The following SYNPR variants were observed in gnomAD, a reference collection of about 807,000 sequenced individuals.
The protein encoded by SYNPR is synaptoporin.
A neutral mutation model predicts 32.9 loss-of-function variants in SYNPR; 23 were observed. The observed-to-expected ratio is 0.70, with a 90% CI of 0.50 to 0.99. The LOEUF (loss-of-function observed/expected upper bound fraction) is 0.99, where lower values mean the gene tolerates loss of function less well. SYNPR is among the 50% of genes least tolerant of loss of function. The pLI is 0.00. For synonymous variants in SYNPR, 146 were observed against 135.9 expected, an observed-to-expected ratio of 1.07 and a Z score of -0.52; for missense variants, 318 against 349.3, an observed-to-expected ratio of 0.91 and a Z score of 0.71.
intron 2 of SYNPR, among the ~76,000 whole-genome samples, chr3:63,470,006 T>C (rs1294811911): frequency 6.6e-6 from 1 of 152,202 alleles, no homozygotes; most frequent in East Asian, 1.9e-4. Context: ...ACATTTATGA[T>C]TTTAAGAAAA....
chr3:63,533,857 G>A (rs1702154274), intron 3 of SYNPR, among the ~76,000 whole-genome samples: 1 of 152,236 alleles, frequency 6.6e-6, no homozygotes, highest in Middle Eastern at 3.4e-3. Flanking sequence ...CTCTCCAAGA[G>A]ATGTGATTTC....
intron 2 of SYNPR, among the ~76,000 whole-genome samples, chr3:63,464,278 T>A (rs59460117): frequency 2.0e-5 from 3 of 152,098 alleles, no homozygotes; most frequent in Non-Finnish European, 2.9e-5. Context: ...CTGGCCCTCA[T>A]TGAAGAATTT....
intron 2 of SYNPR, among the ~76,000 whole-genome samples, chr3:63,352,245 T>C (rs13093115): frequency 0.19 from 28,636 of 152,076 alleles, 3,005 homozygotes; most frequent in South Asian, 0.26. Context: ...TTTTTTTTCC[T>C]GTACAATTTT....
At chr3:63,406,224 C>T (rs1440810497) in intron 2 of SYNPR, among the ~76,000 whole-genome samples, 1 of 150,570 alleles carries the variant, frequency 6.6e-6, no homozygotes, top group Admixed American at 6.6e-5. Context: ...AAAAAGCCAC[C>T]TATGCCCTGT....
At chr3:63,206,674 A>T in the SYNPR span, among the ~76,000 whole-genome samples, 1 of 152,218 alleles carries the variant, frequency 6.6e-6, no homozygotes, top group African/African-American at 2.4e-5. Flanking sequence ...TGACATAGAG[A>T]TGTATTCAAA....
chr3:63,229,645 A>G (rs759866886), intron 1 of SYNPR, among the ~76,000 whole-genome samples: 1 of 152,212 alleles, frequency 6.6e-6, no homozygotes, highest in Non-Finnish European at 1.5e-5. Flanking sequence ...TGATTCTGCC[A>G]TACTGAAGTT....
chr3:63,305,613 C>T (rs62253861), intron 2 of SYNPR, among the ~76,000 whole-genome samples: 43,241 of 151,796 alleles, frequency 0.28, 7,459 homozygotes, highest in Non-Finnish European at 0.39. Flanking sequence ...ATATACACTT[C>T]GGTCTCACCG....
the SYNPR span, among the ~76,000 whole-genome samples, chr3:63,201,586 CTACCTGCTTTA>C: frequency 6.6e-6 from 1 of 151,988 alleles, no homozygotes; most frequent in African/African-American, 2.4e-5. Context: ...AGATATCTTT[CTACCTGCTTTA>C]TATTTACAGA....
chr3:63,392,688 T>C (rs1211704131), intron 2 of SYNPR, among the ~76,000 whole-genome samples: 1 of 152,074 alleles, frequency 6.6e-6, no homozygotes, highest in Non-Finnish European at 1.5e-5. Flanking sequence ...GAAACTGTCA[T>C]TTTTTTTCCA....
intron 2 of SYNPR, among the ~76,000 whole-genome samples, chr3:63,265,471 C>T (rs2086478003): frequency 6.6e-6 from 1 of 151,902 alleles, no homozygotes; most frequent in African/African-American, 2.4e-5. Context: ...AGGCTGGTCT[C>T]GAATTCCTGA....
intron 2 of SYNPR, among the ~76,000 whole-genome samples, chr3:63,326,291 A>C (rs1349478): frequency 0.45 from 68,486 of 151,616 alleles, 15,597 homozygotes; most frequent in Middle Eastern, 0.52. Context: ...ATTGTGGAGG[A>C]TGAGCTCTTA....
Position 63,616,475 on chromosome 3 carries a change from A to AT in SYNPR, c.*999dup, listed in dbSNP as rs1248545905. ...CTGTAGAACCTCTACTACCAGCTAT[A>AT]TTTTTAAATCCTGTTTATTTGTAAA... On this transcript the variant is annotated 3_prime_UTR_variant, in exon 6 of 6. Coordinates refer to ENST00000478300, the MANE Select transcript of SYNPR (RefSeq NM_001130003.2). 1 of 152,634 alleles carries AT rather than the reference A, an allele frequency of 6.6e-6. No individual in the cohort carries two copies. Among genetic ancestry groups the AT allele is most frequent in the East Asian group, 1.9e-4 (1 of 5,198 alleles). 9.5% of individuals were successfully genotyped at this position (152,634 alleles called of 1,614,324 possible).
intron 4 of SYNPR, among the ~76,000 whole-genome samples, chr3:63,582,113 TG>T (rs61278085): frequency 0.55 from 82,769 of 151,488 alleles, 23,271 homozygotes; most frequent in African/African-American, 0.69. Flanking sequence ...AGTGCGGCTT[TG>T]GTTTGTGCTC....
intron 1 of SYNPR, among the ~76,000 whole-genome samples, chr3:63,232,848 T>A (rs1421451078): frequency 6.6e-6 from 1 of 152,188 alleles, no homozygotes; most frequent in Non-Finnish European, 1.5e-5. Flanking sequence ...AAAACAAAGA[T>A]GCGGAAGAGT....
intron 3 of SYNPR, among the ~76,000 whole-genome samples, chr3:63,535,769 C>A (rs2106795600): frequency 6.6e-6 from 1 of 151,480 alleles, no homozygotes; most frequent in South Asian, 2.1e-4. Context: ...TACCTCATAC[C>A]ATTTACAAAA....
intron 4 of SYNPR, among the ~76,000 whole-genome samples, chr3:63,606,406 T>C (rs1412933047): frequency 6.9e-6 from 1 of 144,574 alleles, no homozygotes; most frequent in African/African-American, 2.6e-5. Flanking sequence ...AAGCAGGACC[T>C]CAAATCCTTT....
the SYNPR span, among the ~76,000 whole-genome samples, chr3:63,217,388 C>T: frequency 1.8e-5 from 1 of 57,098 alleles, no homozygotes; most frequent in Non-Finnish European, 4.4e-5. Flanking sequence ...CCCTCCGAGC[C>T]AGGTGTGGGA....
rs915708467 is a variant in SYNPR, at chr3:63,616,179, T to G, written c.*698T>G. 6.6e-6 allele frequency: 1 copy of G among 152,238 alleles called. No homozygotes were observed. Among genetic ancestry groups the G allele is most frequent in the African/African-American group, 2.4e-5 (1 of 41,460 alleles). The allele number at this position is 152,238 out of a possible 1,614,324, so 9.4% of individuals were successfully genotyped here. A position where few individuals can be genotyped will look rare whatever the true frequency, so the allele number is the denominator to read the frequency against. On this transcript the variant is annotated 3_prime_UTR_variant, in exon 6 of 6. Coordinates refer to ENST00000478300, the MANE Select transcript of SYNPR (RefSeq NM_001130003.2). ...ACCCAAGTTCTGAATGCATTGTAAT[T>G]AAAATTTAAGTTTTTCTTTTCCCCC...
intron 2 of SYNPR, among the ~76,000 whole-genome samples, chr3:63,337,477 C>T (rs1004150084): frequency 1.3e-5 from 2 of 152,032 alleles, no homozygotes; most frequent in African/African-American, 4.8e-5. Flanking sequence ...AAAGTGCAAC[C>T]TTGTCTACCA....
Sources: gnomAD v4.1 joint callset for allele counts (sites outside exome capture counted in the v4.1 genomes callset) on GRCh38, gnomAD v4.1.1 for gene constraint, MANE v1.5 for transcripts, NCBI Gene and HGNC (gene_info 2026-07-23, HGNC 2026-07-21) for gene names.